The following TTC27 variants were observed in gnomAD, a reference collection of about 807,000 sequenced individuals.
TTC27 encodes the protein tetratricopeptide repeat domain 27, also known as tetratricopeptide repeat protein 27.
A neutral mutation model predicts 115.9 loss-of-function variants in TTC27; 79 were observed. The observed-to-expected ratio is 0.68, with a 90% CI of 0.57 to 0.82. The LOEUF is 0.82. Among genes scored for constraint, TTC27 ranks in the 40% least tolerant of loss-of-function variants. The probability of loss-of-function intolerance (pLI) is 0.00; values close to 1 mark genes in which losing one functional copy is unlikely to be tolerated. For missense variants in TTC27, 1,054 were observed against 993.1 expected (o/e 1.06, Z -0.82); for synonymous variants, 401 against 356.0 (o/e 1.13, Z -1.42).
Position 32,628,344 on chromosome 2 carries a change from C to T in TTC27, c.52C>T (p.Arg18Trp), listed in dbSNP as rs1345107352. 4 of 1,607,354 alleles carry T rather than the reference C, an allele frequency of 2.5e-6. No homozygotes were observed. In the South Asian group the frequency reaches 3.4e-5, roughly 14 times the overall value. ...ILRGFPTEAE[R>W]QQWKQEGVVG... The stretch of plus-strand genomic sequence containing the variant: ...GAGGGGATTCCCCACTGAGGCTGAG[C>T]GGCAGCAATGGAAACAGGAGGGGGT... Residue 18 changes from arginine (R) to tryptophan (W), a missense_variant, in exon 1 of 20, where the codon CGG becomes TGG. Arg to Trp is a moderately radical substitution (Grantham distance 101, BLOSUM62 -3). Transcript: ENST00000317907.
chr2:32,753,967 C>T (rs913794679), intron 12 of TTC27, among the ~76,000 whole-genome samples: 4 of 151,806 alleles, frequency 2.6e-5, no homozygotes, highest in African/African-American at 4.8e-5. Context: ...CCCAGCTACT[C>T]GGGAGGCTGA....
intron 15 of TTC27, among the ~76,000 whole-genome samples, chr2:32,783,633 C>T (rs1209088120): frequency 6.6e-6 from 1 of 152,142 alleles, no homozygotes; most frequent in African/African-American, 2.4e-5. Context: ...ATGAGGCAGA[C>T]TAGAGGAAAC....
At chr2:32,794,076 A>G (rs771979762) in intron 16 of TTC27, among the ~76,000 whole-genome samples, 15 of 152,168 alleles carry the variant, frequency 9.9e-5, no homozygotes, top group Non-Finnish European at 1.6e-4. Context: ...TCTGTTAGAC[A>G]AGCAGAGATT....
intron 5 of TTC27, among the ~76,000 whole-genome samples, chr2:32,653,951 C>T (rs1386616955): frequency 6.6e-6 from 1 of 152,178 alleles, no homozygotes; most frequent in Non-Finnish European, 1.5e-5. Context: ...CCATTGTTGA[C>T]TCATTGCTTT....
At chr2:32,729,664 G>A (rs1668225690) in intron 10 of TTC27, among the ~76,000 whole-genome samples, 1 of 152,028 alleles carries the variant, frequency 6.6e-6, no homozygotes, top group African/African-American at 2.4e-5. Flanking sequence ...GGTATATCCA[G>A]CCCCTACTTC....
At chr2:32,708,519 A>T (rs1000100817) in intron 10 of TTC27, among the ~76,000 whole-genome samples, 4 of 151,760 alleles carry the variant, frequency 2.6e-5, no homozygotes, top group African/African-American at 9.7e-5. Context: ...CATATTGGTC[A>T]GGCTGGTCTT....
chr2:32,693,407 C>A (rs1666882147), intron 9 of TTC27, among the ~76,000 whole-genome samples: 1 of 152,204 alleles, frequency 6.6e-6, no homozygotes, highest in African/African-American at 2.4e-5. Context: ...TCAGTCAGAA[C>A]CTTTGAGGTT....
At chr2:32,751,363 A>G (rs1258384814) in intron 12 of TTC27, among the ~76,000 whole-genome samples, 1 of 151,944 alleles carries the variant, frequency 6.6e-6, no homozygotes, top group East Asian at 1.9e-4. Context: ...CTAGATATGC[A>G]GTGTTGCTTT....
chr2:32,741,281 T>C (rs1668626414), intron 12 of TTC27, among the ~76,000 whole-genome samples: 1 of 152,162 alleles, frequency 6.6e-6, no homozygotes, highest in Non-Finnish European at 1.5e-5. Flanking sequence ...GCACCCAAAC[T>C]ACTCTGGTAC....
intron 15 of TTC27, among the ~76,000 whole-genome samples, chr2:32,785,561 G>T (rs1037430300): frequency 6.6e-6 from 1 of 151,912 alleles, no homozygotes; most frequent in East Asian, 1.9e-4. Context: ...TTGACTATGT[G>T]CATTCTAGTT....
At chr2:32,678,954 T>G in intron 9 of TTC27, 32 bp downstream of exon 9, 5 of 1,588,110 alleles carry the variant, frequency 3.1e-6, no homozygotes, top group Middle Eastern at 1.7e-4. Flanking sequence ...TCCATTTCAT[T>G]TTTTTCCTGG....
intron 13 of TTC27, among the ~76,000 whole-genome samples, chr2:32,761,083 C>T (rs944512122): frequency 2.6e-5 from 4 of 152,250 alleles, no homozygotes; most frequent in East Asian, 1.9e-4. Flanking sequence ...ACTGCTTACG[C>T]GATCTCCCCA....
At chr2:32,648,990 C>T (rs374353899) in intron 4 of TTC27, among the ~76,000 whole-genome samples, 4 of 151,980 alleles carry the variant, frequency 2.6e-5, no homozygotes, top group Middle Eastern at 3.4e-3. Flanking sequence ...CCAGCCTGGG[C>T]GACAGAGTCA....
At chr2:32,714,281 C>G (rs932960755) in intron 10 of TTC27, among the ~76,000 whole-genome samples, 2 of 151,672 alleles carry the variant, frequency 1.3e-5, no homozygotes, top group Admixed American at 1.3e-4. Flanking sequence ...GCCTCAGTCT[C>G]CCGAGTATCT....
chr2:32,672,483 G>A (rs1337502118), intron 8 of TTC27, 99 bp downstream of exon 8: 16 of 858,874 alleles, frequency 1.9e-5, no homozygotes, highest in Non-Finnish European at 2.6e-5. Flanking sequence ...AGTTCTGGAT[G>A]AATAGGGAAT....
At chr2:32,777,776 C>A in intron 13 of TTC27, 106 bp from the exon 14 acceptor site, 2 of 989,686 alleles carry the variant, frequency 2.0e-6, no homozygotes, top group African/African-American at 1.6e-5. Context: ...TATAGCTCTG[C>A]ATTCTTTCTA....
chr2:32,635,436 C>T (rs935188754), intron 3 of TTC27: 1 of 152,848 alleles, frequency 6.5e-6, no homozygotes, highest in Non-Finnish European at 1.5e-5. Context: ...CCTGTAATCC[C>T]AGCACTTTGG....
chr2:32,679,873 C>T lies in TTC27; in HGVS notation c.1119+951C>T, dbSNP rs188488876. On this transcript the variant is annotated intron_variant, in intron 9 of 19. Transcript: ENST00000317907. Reference sequence around the variant, plus strand: ...TGGGCTTGGTGGTACATGTCTGTAACCCCAGCTACTCTAGAAGCTGAGAAG... The same window carrying T: ...TGGGCTTGGTGGTACATGTCTGTAATCCCAGCTACTCTAGAAGCTGAGAAG... Among the ~76,000 whole-genome samples, 32 of 152,114 alleles carry T rather than the reference C, an allele frequency of 2.1e-4. No individual in the cohort carries two copies. In the East Asian group the frequency reaches 6.0e-3, roughly 28 times the overall value.
At chr2:32,732,865 C>CA (rs1467926251) in intron 10 of TTC27, among the ~76,000 whole-genome samples, 1 of 151,670 alleles carries the variant, frequency 6.6e-6, no homozygotes, top group African/African-American at 2.4e-5. Context: ...AGTCAACTGG[C>CA]AAAAAAAGAA....
Sources: allele counts gnomAD v4.1 joint callset (sites outside exome capture counted in the v4.1 genomes callset), GRCh38; gene constraint gnomAD v4.1.1; transcripts MANE v1.5; gene names NCBI Gene and HGNC (gene_info 2026-07-23, HGNC 2026-07-21).